Variants in CTNNBL1 observed in about 807,000 individuals in gnomAD.
CTNNBL1 encodes beta-catenin-like protein 1.
In CTNNBL1, 31 loss-of-function variants were observed where a neutral mutation model predicts 72.7. That is an observed-to-expected ratio of 0.43 (90% CI 0.32 to 0.58). The LOEUF is 0.58. Ranked by LOEUF, CTNNBL1 falls within the 20% of genes least tolerant of loss-of-function variation. The pLI is 0.08. For synonymous variants in CTNNBL1, 240 were observed against 267.3 expected, an observed-to-expected ratio of 0.90 and a Z score of 1.00; for missense variants, 534 against 725.1, an observed-to-expected ratio of 0.74 and a Z score of 3.03.
intron 7 of CTNNBL1, among the ~76,000 whole-genome samples, chr20:37,773,344 A>G (rs1475989557): frequency 2.0e-5 from 3 of 152,236 alleles, no homozygotes; most frequent in African/African-American, 7.2e-5. Context: ...GAGTGGTAGC[A>G]TAATTGTTTT....
intron 11 of CTNNBL1, among the ~76,000 whole-genome samples, chr20:37,822,089 T>C (rs1333137877): frequency 3.9e-5 from 6 of 152,202 alleles, no homozygotes; most frequent in African/African-American, 7.2e-5. Flanking sequence ...ATTACTGTGC[T>C]TATTAGTATC....
chr20:37,868,223 G>T (rs1366757724), intron 15 of CTNNBL1, among the ~76,000 whole-genome samples: 1 of 152,120 alleles, frequency 6.6e-6, no homozygotes, highest in South Asian at 2.1e-4. Context: ...GGCCAGGCAG[G>T]GTAGCCTGTT....
At chr20:37,708,847 A>G (rs1249618574) in intron 1 of CTNNBL1, among the ~76,000 whole-genome samples, 1 of 152,122 alleles carries the variant, frequency 6.6e-6, no homozygotes, top group Non-Finnish European at 1.5e-5. Context: ...ACTAAGAAGG[A>G]GTTGAAACTG....
At position 37,743,850 on chromosome 20, in the gene CTNNBL1, A is replaced by G. The variant is rs535742739; in HGVS notation, c.327-2618A>G. ...ATAGATTAAATATTTAAATATATAA[A>G]CATAAAAATACATCATAAAATATAT... On this transcript the variant is annotated intron_variant, in intron 3 of 15. Coordinates refer to ENST00000361383, the MANE Select transcript of CTNNBL1 (RefSeq NM_030877.5). Among the ~76,000 whole-genome samples the G allele has an allele frequency of 6.6e-5, 10 of 152,264 alleles. No homozygotes were observed. In the East Asian group the frequency reaches 1.9e-3, roughly 29 times the overall value.
chr20:37,708,286 G>T lies in CTNNBL1; in HGVS notation c.30+14134G>T, dbSNP rs536966933. Among the ~76,000 whole-genome samples the T allele has an allele frequency of 1.3e-5, 2 of 151,696 alleles. 1 individual carries two copies. The highest frequency in any genetic ancestry group is 4.2e-4 in the South Asian group (2 of 4,782). On this transcript the variant is annotated intron_variant, in intron 1 of 15. Coordinates refer to ENST00000361383, the MANE Select transcript of CTNNBL1 (RefSeq NM_030877.5). Reference sequence around the variant, plus strand: ...CCTGCAGCCTTGACCTCATGGGCTCGAGCAATCCCAGATTAGCTGGGACTA... The same window carrying T: ...CCTGCAGCCTTGACCTCATGGGCTCTAGCAATCCCAGATTAGCTGGGACTA...
Position 37,694,049 on chromosome 20 carries a change from C to T in CTNNBL1, c.-74C>T. ...CTCGCCGCACTTTACGGCAGTGTGG[C>T]TGGAGCCGCGGCTGACGGGCCCGCG... On this transcript the variant is annotated 5_prime_UTR_variant, in exon 1 of 16. Transcript: ENST00000361383. 1 of 1,534,502 alleles carries T rather than the reference C, an allele frequency of 6.5e-7. No individual in the cohort carries two copies. The highest frequency in any genetic ancestry group is 1.9e-5 in the Admixed American group (1 of 52,490).
intron 13 of CTNNBL1, among the ~76,000 whole-genome samples, chr20:37,855,799 GC>G (rs570834776): frequency 2.4e-3 from 369 of 152,244 alleles, no homozygotes; most frequent in African/African-American, 8.5e-3. Context: ...CCATCAGCTC[GC>G]CCTCCAAGGC....
At chr20:37,800,669 A>G (rs1221834854) in intron 10 of CTNNBL1, among the ~76,000 whole-genome samples, 2 of 152,106 alleles carry the variant, frequency 1.3e-5, no homozygotes, top group Non-Finnish European at 2.9e-5. Context: ...TGTCTCTCTC[A>G]CTTTAATGTA....
intron 13 of CTNNBL1, among the ~76,000 whole-genome samples, chr20:37,847,490 G>C (rs375541895): frequency 1.1e-4 from 16 of 152,108 alleles, no homozygotes; most frequent in East Asian, 3.8e-4. Context: ...TAAATATCCA[G>C]GGTTCTTGTC....
chr20:37,794,715 C>T lies in CTNNBL1; in HGVS notation c.1032-8152C>T, dbSNP rs765598623. 9.9e-5 allele frequency among the ~76,000 whole-genome samples: 15 copies of T among 151,214 alleles called. No individual in the cohort carries two copies. The South Asian group carries it at 1.0e-3, about 11-fold the overall frequency. On this transcript the variant is annotated intron_variant, in intron 10 of 15. Coordinates refer to ENST00000361383, the MANE Select transcript of CTNNBL1 (RefSeq NM_030877.5). ...CGGGGTCTCACCATGTTGGCCAGGG[C>T]GGTCTTGAACTCCTGGCCTCAAGTG...
chr20:37,867,051 T>A (rs1326971143), intron 15 of CTNNBL1, among the ~76,000 whole-genome samples: 1 of 152,168 alleles, frequency 6.6e-6, no homozygotes, highest in African/African-American at 2.4e-5. Flanking sequence ...TCTCTGTAAG[T>A]GGGTTTCATT....
At chr20:37,787,193 G>C (rs993656448) in intron 10 of CTNNBL1, among the ~76,000 whole-genome samples, 1 of 151,666 alleles carries the variant, frequency 6.6e-6, no homozygotes, top group African/African-American at 2.4e-5. Context: ...CTGTTCACAG[G>C]AGGCAATCAC....
chr20:37,777,681 A>C lies in CTNNBL1; in HGVS notation c.851A>C (p.Asp284Ala). The change falls in exon 9 of 16, where the codon GAT (aspartate) becomes GCT (alanine). Residue 284 changes from aspartate (D) to alanine (A), a missense_variant. Transcript: ENST00000361383. ...DENRELLGELDGIDVLLQQLS... is the reference protein window; with the variant it reads ...DENRELLGELAGIDVLLQQLS... ...AACAGGGAATTGCTTGGGGAGCTGG[A>C]TGGAATCGATGTGCTTCTTCAGCAG... is the stretch of plus-strand genomic sequence containing the variant. 6.2e-7 allele frequency: 1 copy of C among 1,613,538 alleles called. No homozygotes were observed. The highest frequency in any genetic ancestry group is 1.3e-5 in the African/African-American group (1 of 74,902).
At chr20:37,782,098 T>TG (rs1471908536) in intron 10 of CTNNBL1, among the ~76,000 whole-genome samples, 1 of 152,156 alleles carries the variant, frequency 6.6e-6, no homozygotes, top group African/African-American at 2.4e-5. Flanking sequence ...ATTCTACAGT[T>TG]GCAAAACACT....
At chr20:37,746,924 A>G (rs553511534) in intron 4 of CTNNBL1, among the ~76,000 whole-genome samples, 9 of 152,364 alleles carry the variant, frequency 5.9e-5, no homozygotes, top group African/African-American at 2.2e-4. Flanking sequence ...AAGGCCCCTT[A>G]TGGGGGCAAA....
In CTNNBL1 at chr20:37,766,620, T is replaced by C. The variant is rs74401942; in HGVS notation, c.658+1330T>C. Among the ~76,000 whole-genome samples, 901 of 152,272 alleles carry C rather than the reference T, an allele frequency of 5.9e-3. 9 individuals carry two copies. Among genetic ancestry groups the C allele is most frequent in the African/African-American group, 0.021 (859 of 41,528 alleles). On this transcript the variant is annotated intron_variant, in intron 6 of 15. Transcript: ENST00000361383. ...GCTCCTGTGCATGACTGTGGCTGAA[T>C]ATGAAGACAGGTGCATTTTGACAGG... is the stretch of plus-strand genomic sequence containing the variant.
At chr20:37,863,309 C>T (rs2072507889) in intron 15 of CTNNBL1, among the ~76,000 whole-genome samples, 2 of 152,202 alleles carry the variant, frequency 1.3e-5, no homozygotes, top group Non-Finnish European at 2.9e-5. Context: ...TGGCCCTGCT[C>T]AGTGCCAGGC....
At chr20:37,860,159 A>G in intron 14 of CTNNBL1, 113 bp from the exon 15 acceptor site, 1 of 1,477,944 alleles carries the variant, frequency 6.8e-7, no homozygotes, top group Non-Finnish European at 9.4e-7. Flanking sequence ...TTTACTCTAC[A>G]TCAGCCTTTT....
rs376817923 is a variant in CTNNBL1, at chr20:37,807,442, TA to T, written c.1213+4396del. Among the ~76,000 whole-genome samples, 21 of 152,332 alleles carry T rather than the reference TA, an allele frequency of 1.4e-4. No individual in the cohort carries two copies. In the South Asian group the frequency reaches 4.1e-3, roughly 30 times the overall value. On this transcript the variant is annotated intron_variant, in intron 11 of 15. Coordinates refer to ENST00000361383, the MANE Select transcript of CTNNBL1 (RefSeq NM_030877.5). ...AGGTTGGTTTTACTGGCCTGTGGTC[TA>T]ATTGCTCCATGATAACTGTGGGCAA...
Sources: allele counts gnomAD v4.1 joint callset (sites outside exome capture counted in the v4.1 genomes callset), GRCh38; gene constraint gnomAD v4.1.1; transcripts MANE v1.5; gene names NCBI Gene and HGNC (gene_info 2026-07-23, HGNC 2026-07-21).